Variants in KYNU observed in about 807,000 individuals in gnomAD.
The protein encoded by KYNU is kynureninase.
In KYNU, 54 loss-of-function variants were observed where a neutral mutation model predicts 59.2. The observed-to-expected ratio is 0.91, with a 90% CI of 0.73 to 1.14. The LOEUF is 1.14. KYNU is among the 50% of genes most tolerant of loss of function. The pLI, the probability that KYNU is intolerant of heterozygous loss-of-function variation, is 0.00. For missense variants in KYNU, 567 were observed against 554.4 expected (o/e 1.02, Z -0.23); for synonymous variants, 177 against 192.0 (o/e 0.92, Z 0.65).
intron 2 of KYNU, among the ~76,000 whole-genome samples, chr2:142,900,447 C>T (rs1682037823): frequency 6.6e-6 from 1 of 152,198 alleles, no homozygotes; most frequent in Admixed American, 6.5e-5. Context: ...GCTCAAATGC[C>T]TGGGTTTATA....
At chr2:142,973,809 A>G (rs990294899) in intron 8 of KYNU, among the ~76,000 whole-genome samples, 1 of 152,206 alleles carries the variant, frequency 6.6e-6, no homozygotes, top group Non-Finnish European at 1.5e-5. Context: ...AGAGAATAAA[A>G]GAAAAAAATC....
At chr2:142,962,213 C>A (rs1199269238) in intron 8 of KYNU, among the ~76,000 whole-genome samples, 1 of 152,184 alleles carries the variant, frequency 6.6e-6, no homozygotes, top group Non-Finnish European at 1.5e-5. Flanking sequence ...CATGAGACAG[C>A]AAGATACAGA....
intron 11 of KYNU, among the ~76,000 whole-genome samples, chr2:143,030,777 C>T (rs1686717027): frequency 9.2e-6 from 1 of 108,410 alleles, no homozygotes; most frequent in African/African-American, 2.9e-5. Context: ...CTGATAAGCC[C>T]ATCATAAGCT....
intron 8 of KYNU, among the ~76,000 whole-genome samples, chr2:142,964,352 A>C (rs1684459502): frequency 6.6e-6 from 1 of 152,142 alleles, no homozygotes; most frequent in South Asian, 2.1e-4. Context: ...TTGTATATTT[A>C]TTTCTAATCA....
chr2:142,965,885 T>A (rs993098397), intron 8 of KYNU, among the ~76,000 whole-genome samples: 2 of 152,132 alleles, frequency 1.3e-5, no homozygotes, highest in African/African-American at 4.8e-5. Context: ...ATTTTCCTCT[T>A]TCCTCTTTCA....
At chr2:142,881,597 A>T (rs147035428) in intron 1 of KYNU, among the ~76,000 whole-genome samples, 1 of 152,282 alleles carries the variant, frequency 6.6e-6, no homozygotes, top group African/African-American at 2.4e-5. Context: ...GGCCCCCAGA[A>T]GTTCTAGACA....
chr2:142,924,335 G>A (rs553369269), intron 3 of KYNU, among the ~76,000 whole-genome samples: 21 of 152,062 alleles, frequency 1.4e-4, no homozygotes, highest in South Asian at 2.1e-4. Context: ...TCAAACACCT[G>A]GTCTCAAGGG....
chr2:142,918,275 G>A (rs1299164150), intron 2 of KYNU, among the ~76,000 whole-genome samples: 2 of 152,120 alleles, frequency 1.3e-5, no homozygotes, highest in African/African-American at 4.8e-5. Flanking sequence ...TAGATAGGCT[G>A]ATGTATTTCC....
intron 8 of KYNU, among the ~76,000 whole-genome samples, chr2:142,969,134 G>A (rs886756303): frequency 6.6e-6 from 1 of 151,860 alleles, no homozygotes. Flanking sequence ...CTCACCTTTG[G>A]TTCTATTCAC....
chr2:142,967,951 T>C (rs565562991), intron 8 of KYNU, among the ~76,000 whole-genome samples: 2 of 152,310 alleles, frequency 1.3e-5, no homozygotes, highest in African/African-American at 4.8e-5. Flanking sequence ...ATTAGCATAA[T>C]GTATGAAATT....
At chr2:143,013,867 C>G (rs899389371) in intron 10 of KYNU, among the ~76,000 whole-genome samples, 2 of 152,224 alleles carry the variant, frequency 1.3e-5, no homozygotes, top group African/African-American at 4.8e-5. Context: ...TGCTTGTACC[C>G]TTTTGGTCAA....
intron 10 of KYNU, among the ~76,000 whole-genome samples, chr2:143,013,261 T>A (rs79487460): frequency 0.087 from 13,136 of 151,770 alleles, 659 homozygotes; most frequent in African/African-American, 0.16. Context: ...TTTCTCTCTC[T>A]CTCTCCCTGT....
In KYNU at chr2:143,039,679, A is replaced by G. The variant is rs549959444; in HGVS notation, c.1042-749A>G. Among the ~76,000 whole-genome samples the G allele has an allele frequency of 5.3e-5, 8 of 152,124 alleles. No homozygotes were observed. In the South Asian group the frequency reaches 1.7e-3, roughly 32 times the overall value. ...ATCACCAGACCAACTCAAAATTACA[A>G]AGTTTTACAGGTGTAAGTGTGCATT... is the stretch of plus-strand genomic sequence containing the variant. On this transcript the variant is annotated intron_variant, in intron 12 of 13. Transcript: ENST00000264170.
rs370797769 is a variant in KYNU at position 142,947,019 on chromosome 2, C to T, written c.374-7791C>T. The T allele has an allele frequency of 5.8e-6, 9 of 1,539,370 alleles. No homozygotes were observed. The East Asian group carries it at 1.7e-4, about 29-fold the overall frequency. ...CAAGTTTATTAGTAATTTCATGGTA[C>T]CCTTTTGTGGGCTGATTCTCACCTC... On this transcript the variant is annotated intron_variant, in intron 4 of 13. Transcript: ENST00000264170.
At chr2:142,909,677 C>G (rs1682416180) in intron 2 of KYNU, among the ~76,000 whole-genome samples, 1 of 152,040 alleles carries the variant, frequency 6.6e-6, no homozygotes, top group Non-Finnish European at 1.5e-5. Context: ...GTATTTGTAC[C>G]ACATGTTCTT....
rs1035741915 is a variant in KYNU at position 143,046,774 on chromosome 2, C to T, written c.*4602C>T. 3 of 151,840 alleles carry T rather than the reference C, an allele frequency of 2.0e-5. No homozygotes were observed. Among genetic ancestry groups the T allele is most frequent in the Non-Finnish European group, 2.9e-5 (2 of 67,966 alleles). 9.4% of individuals were successfully genotyped at this position (151,840 alleles called of 1,614,324 possible). A position where few individuals can be genotyped will look rare whatever the true frequency, so the allele number is the denominator to read the frequency against. ...AATTGTCCTGGTTATCCTGGGCCCC[C>T]TACTTTTTTTATATTTTTGAATACA... On this transcript the variant is annotated 3_prime_UTR_variant, in exon 14 of 14. Coordinates refer to ENST00000264170, the MANE Select transcript of KYNU (RefSeq NM_003937.3).
chr2:142,889,493 A>T (rs994921004), intron 2 of KYNU, among the ~76,000 whole-genome samples: 1 of 152,026 alleles, frequency 6.6e-6, no homozygotes, highest in Non-Finnish European at 1.5e-5. Context: ...AGTTTCTTTG[A>T]CTCACCTGGC....
chr2:142,981,740 A>G (rs1685057934), intron 8 of KYNU, among the ~76,000 whole-genome samples: 1 of 152,104 alleles, frequency 6.6e-6, no homozygotes, highest in South Asian at 2.1e-4. Flanking sequence ...TTTGTGAGAT[A>G]CTAACTCCAG....
At chr2:142,990,390 CT>C (rs958139898) in intron 10 of KYNU, among the ~76,000 whole-genome samples, 66 of 151,902 alleles carry the variant, frequency 4.3e-4, no homozygotes, top group Middle Eastern at 3.4e-3. Flanking sequence ...TCATGGCACA[CT>C]TTAGAGGACT....
Sources: gnomAD v4.1 joint callset for allele counts (sites outside exome capture counted in the v4.1 genomes callset) on GRCh38, gnomAD v4.1.1 for gene constraint, MANE v1.5 for transcripts, NCBI Gene and HGNC (gene_info 2026-07-23, HGNC 2026-07-21) for gene names.